The following CCDC60 variants were observed in gnomAD, a reference collection of about 807,000 sequenced individuals.
CCDC60 encodes the protein coiled-coil domain containing 60.
Under a neutral mutation model 63.5 loss-of-function variants are expected in CCDC60, and 54 were observed. That is an observed-to-expected ratio of 0.85 (90% CI 0.68 to 1.07). The LOEUF (loss-of-function observed/expected upper bound fraction) is 1.07, where lower values mean the gene tolerates loss of function less well. Ranked by LOEUF, CCDC60 falls within the 50% of genes least tolerant of loss-of-function variation. CCDC60 has a pLI of 0.00. For missense variants in CCDC60, 651 were observed against 684.3 expected (o/e 0.95, Z 0.54); for synonymous variants, 206 against 238.8 (o/e 0.86, Z 1.27).
intron 1 of CCDC60, among the ~76,000 whole-genome samples, chr12:119,338,633 C>T (rs181078186): frequency 5.9e-5 from 9 of 152,158 alleles, no homozygotes; most frequent in Non-Finnish European, 1.3e-4. Context: ...TGCCCAGCAC[C>T]ACAGGGGCTA....
chr12:119,479,095 A>G lies in CCDC60; in HGVS notation c.343A>G (p.Thr115Ala), dbSNP rs2519540. 227,008 of 1,605,086 alleles carry G rather than the reference A, an allele frequency of 0.14. 18,643 individuals carry two copies. Among genetic ancestry groups the G allele is most frequent in the Non-Finnish European group, 0.16 (192,983 of 1,172,246 alleles). The part of the protein sequence containing the change: ...EIHYGDTLLS[T>A]YDDEKLKTLG... ...TTTCTCTGTCTGCTTGTCCTTCAGC[A>G]CATATGATGATGAGAAGTTGAAGAC... The change falls in exon 4 of 14, where the codon ACA becomes GCA. Residue 115 changes from threonine to alanine, a missense_variant and splice_region_variant. Transcript: ENST00000327554.
At position 119,540,886 on chromosome 12, in the gene CCDC60, GA is replaced by G; in HGVS notation, c.*172del. 1 of 560,886 alleles carries G rather than the reference GA, an allele frequency of 1.8e-6. No homozygotes were observed. The highest frequency in any genetic ancestry group is 3.1e-5 in the East Asian group (1 of 32,296). 34.7% of individuals were successfully genotyped at this position (560,886 alleles called of 1,614,324 possible). On this transcript the variant is annotated 3_prime_UTR_variant, in exon 14 of 14. Transcript: ENST00000327554. ...ACTTCCAGCAACATTTTTAGAGGGG[GA>G]TGGCCCCGGTGGCCCTCCCCTCAAT...
intron 2 of CCDC60, among the ~76,000 whole-genome samples, chr12:119,444,637 A>G (rs1950506515): frequency 1.3e-5 from 2 of 152,210 alleles, no homozygotes; most frequent in Non-Finnish European, 1.5e-5. Flanking sequence ...ATTGCTTCTC[A>G]TGGCCACAAG....
chr12:119,505,883 C>T (rs965078228), intron 7 of CCDC60, among the ~76,000 whole-genome samples: 15 of 152,268 alleles, frequency 9.9e-5, no homozygotes, highest in African/African-American at 3.6e-4. Flanking sequence ...AAATTTAGCC[C>T]AGTTTATACA....
intron 6 of CCDC60, among the ~76,000 whole-genome samples, chr12:119,503,757 T>G (rs1479456429): frequency 5.9e-5 from 9 of 152,204 alleles, no homozygotes; most frequent in Non-Finnish European, 1.3e-4. Context: ...ATATTGCTTC[T>G]GATCACATAC....
At chr12:119,495,457 T>A (rs900925188) in intron 5 of CCDC60, among the ~76,000 whole-genome samples, 2 of 152,210 alleles carry the variant, frequency 1.3e-5, no homozygotes, top group Non-Finnish European at 2.9e-5. Context: ...AAATTTTTGC[T>A]GTTTGCCTTA....
chr12:119,360,892 G>A (rs1436579746), intron 1 of CCDC60, among the ~76,000 whole-genome samples: 4 of 152,158 alleles, frequency 2.6e-5, no homozygotes, highest in East Asian at 3.9e-4. Flanking sequence ...CCGGCACCTC[G>A]GGAGGCCGAG....
intron 2 of CCDC60, among the ~76,000 whole-genome samples, chr12:119,471,766 T>A (rs1414243389): frequency 2.0e-5 from 3 of 152,104 alleles, no homozygotes; most frequent in Non-Finnish European, 2.9e-5. Flanking sequence ...ATCTTTTTTT[T>A]AAATTTGTGT....
chr12:119,340,221 G>T (rs1354319429), intron 1 of CCDC60, among the ~76,000 whole-genome samples: 1 of 152,186 alleles, frequency 6.6e-6, no homozygotes, highest in East Asian at 1.9e-4. Context: ...ATGTAAAAAT[G>T]CTTCCCCATC....
chr12:119,476,257 A>C (rs2136336867), intron 3 of CCDC60, among the ~76,000 whole-genome samples: 1 of 152,306 alleles, frequency 6.6e-6, no homozygotes, highest in African/African-American at 2.4e-5. Flanking sequence ...AGGTGGAAAA[A>C]AAAGTGACGG....
chr12:119,366,783 G>A (rs1266751976), intron 1 of CCDC60, among the ~76,000 whole-genome samples: 1 of 152,146 alleles, frequency 6.6e-6, no homozygotes, highest in Non-Finnish European at 1.5e-5. Context: ...GGATCAAGAC[G>A]AGCCAGAGGA....
chr12:119,341,239 T>C (rs947092566), intron 1 of CCDC60, among the ~76,000 whole-genome samples: 6 of 151,400 alleles, frequency 4.0e-5, no homozygotes, highest in African/African-American at 1.5e-4. Context: ...AGGGAAGGAG[T>C]GTGTTCATTA....
chr12:119,429,024 C>G, intron 2 of CCDC60: 1 of 368,552 alleles, frequency 2.7e-6, no homozygotes, highest in Non-Finnish European at 4.9e-6. Flanking sequence ...GAATCCAACT[C>G]AAGAGAGTGT....
chr12:119,520,294 G>C (rs1244036738), intron 9 of CCDC60, 102 bp downstream of exon 9: 1 of 966,932 alleles, frequency 1.0e-6, no homozygotes, highest in East Asian at 2.5e-5. Context: ...AAGTGGGACA[G>C]GAAAGAGGGA....
chr12:119,344,212 T>G (rs116997818), intron 1 of CCDC60, among the ~76,000 whole-genome samples: 1 of 152,068 alleles, frequency 6.6e-6, no homozygotes, highest in East Asian at 1.9e-4. Flanking sequence ...AGCCTCCCCA[T>G]GGTGACAACG....
At chr12:119,498,048 A>G (rs549601835) in intron 5 of CCDC60, among the ~76,000 whole-genome samples, 1 of 152,206 alleles carries the variant, frequency 6.6e-6, no homozygotes, top group South Asian at 2.1e-4. Flanking sequence ...GTCTGTGTGC[A>G]TTTCTTGTGT....
intron 1 of CCDC60, among the ~76,000 whole-genome samples, chr12:119,421,116 A>G (rs776411724): frequency 6.6e-6 from 1 of 152,212 alleles, no homozygotes; most frequent in Non-Finnish European, 1.5e-5. Flanking sequence ...TTTAACAGGA[A>G]TTCACTTCCA....
chr12:119,456,023 GAA>G lies in CCDC60; in HGVS notation c.171-15969_171-15968del, dbSNP rs1344240141. ...AAAGAGAAAGAAAGAAAGAAAGAAA[GAA>G]AGAAAGAAAGAAAGAAAGAAAGAAA... On this transcript the variant is annotated intron_variant, in intron 2 of 13. Transcript: ENST00000327554. The surrounding 1 kb of genome is among the most constrained non-coding windows in gnomAD (Gnocchi z 4.6). 7.7e-5 allele frequency among the ~76,000 whole-genome samples: 10 copies of G among 129,778 alleles called. 1 individual carries two copies. Among genetic ancestry groups the G allele is most frequent in the Admixed American group, 2.4e-4 (3 of 12,554 alleles). 85.1% of individuals were successfully genotyped at this position (129,778 alleles called of 152,430 possible).
chr12:119,442,268 TTC>T (rs1950461864), intron 2 of CCDC60, among the ~76,000 whole-genome samples: 1 of 152,216 alleles, frequency 6.6e-6, no homozygotes, highest in Non-Finnish European at 1.5e-5. Context: ...CTTCATTTCT[TTC>T]AACTCTTTAG....
Sources: gnomAD v4.1 joint callset for allele counts (sites outside exome capture counted in the v4.1 genomes callset) on GRCh38, gnomAD v4.1.1 for gene constraint, Gnocchi (gnomAD v3.1) non-coding constraint, MANE v1.5 for transcripts, NCBI Gene and HGNC (gene_info 2026-07-23, HGNC 2026-07-21) for gene names.